Variants in CCDC181 observed in about 807,000 individuals in gnomAD.
CCDC181 encodes coiled-coil domain-containing protein 181.
CCDC181 carries 35 observed loss-of-function variants against 58.7 expected under a neutral mutation model. The observed-to-expected ratio is 0.60, with a 90% confidence interval of 0.46 to 0.79. The LOEUF is 0.79. CCDC181 is among the 30% of genes least tolerant of loss of function. The pLI is 0.00. For missense variants in CCDC181, 517 were observed against 583.9 expected (o/e 0.89, Z 1.18); for synonymous variants, 183 against 197.5 (o/e 0.93, Z 0.62).
At chr1:169,403,234 T>C (rs1320486195) in intron 4 of CCDC181, among the ~76,000 whole-genome samples, 1 of 152,128 alleles carries the variant, frequency 6.6e-6, no homozygotes, top group African/African-American at 2.4e-5. Flanking sequence ...CACCCCACTG[T>C]TAACATTAGA....
upstream of CCDC181, among the ~76,000 whole-genome samples, chr1:169,430,754 A>G (rs977236141): frequency 2.0e-5 from 3 of 152,148 alleles, no homozygotes; most frequent in African/African-American, 4.8e-5. Flanking sequence ...ACACTCCACA[A>G]TGTGGCAACA....
At chr1:169,455,095 A>G (rs1048896754) in intron 2 of CCDC181, among the ~76,000 whole-genome samples, 6 of 151,856 alleles carry the variant, frequency 4.0e-5, no homozygotes, top group Non-Finnish European at 5.9e-5. Flanking sequence ...TTTCCTGTCT[A>G]TTGACTAAAT....
intron 2 of CCDC181, among the ~76,000 whole-genome samples, chr1:169,437,358 T>C (rs1368130109): frequency 6.6e-6 from 1 of 152,214 alleles, no homozygotes. Context: ...CTGTGGCTAA[T>C]GTTAGTCCTA....
chr1:169,400,035 C>G (rs746997808), intron 4 of CCDC181, among the ~76,000 whole-genome samples: 3 of 152,126 alleles, frequency 2.0e-5, no homozygotes, highest in Non-Finnish European at 4.4e-5. Context: ...TTGGCAAGGC[C>G]TGGGCTGCAC....
At chr1:169,452,451 T>C (rs1021701547) in intron 2 of CCDC181, 1 of 151,976 alleles carries the variant, frequency 6.6e-6, no homozygotes, top group East Asian at 1.9e-4. Context: ...GGAGTTTTAC[T>C]CTAAAGGGGA....
At chr1:169,424,154 T>A (rs1210044312) in intron 2 of CCDC181, among the ~76,000 whole-genome samples, 1 of 151,882 alleles carries the variant, frequency 6.6e-6, no homozygotes, top group Non-Finnish European at 1.5e-5. Context: ...TTTACAGAAA[T>A]ACATATACAC....
intron 2 of CCDC181, among the ~76,000 whole-genome samples, chr1:169,441,585 T>C (rs1242059390): frequency 1.3e-5 from 2 of 152,092 alleles, no homozygotes; most frequent in African/African-American, 4.8e-5. Flanking sequence ...ACCCTCTGGC[T>C]ATCGATAACT....
intron 2 of CCDC181, among the ~76,000 whole-genome samples, chr1:169,438,194 C>T (rs1235844404): frequency 9.3e-6 from 1 of 107,890 alleles, no homozygotes; most frequent in Non-Finnish European, 2.2e-5. Flanking sequence ...ACTAGCCTCA[C>T]AAATCCTTTT....
intron 1 of CCDC181, among the ~76,000 whole-genome samples, chr1:169,425,492 AAAGT>A (rs1656676075): frequency 6.6e-6 from 1 of 152,120 alleles, no homozygotes; most frequent in Non-Finnish European, 1.5e-5. Flanking sequence ...AAAGGACTCA[AAAGT>A]AAGCCCTTCA....
chr1:169,434,869 T>A (rs1408335422), intron 2 of CCDC181, among the ~76,000 whole-genome samples: 1 of 152,008 alleles, frequency 6.6e-6, no homozygotes, highest in South Asian at 2.1e-4. Context: ...TCATTCCACT[T>A]ATATAAAGTG....
chr1:169,415,445 C>T (rs1656171850), intron 4 of CCDC181, among the ~76,000 whole-genome samples: 1 of 152,182 alleles, frequency 6.6e-6, no homozygotes, highest in African/African-American at 2.4e-5. Context: ...AACATCCATC[C>T]TCCCAAGTCA....
intron 1 of CCDC181, among the ~76,000 whole-genome samples, chr1:169,427,075 C>G (rs1656741510): frequency 6.6e-6 from 1 of 152,084 alleles, no homozygotes. Flanking sequence ...GAGTATCCTT[C>G]ATACATAGTG....
chr1:169,437,710 G>C (rs1055773810), intron 2 of CCDC181, among the ~76,000 whole-genome samples: 3 of 152,160 alleles, frequency 2.0e-5, no homozygotes, highest in African/African-American at 7.2e-5. Context: ...GCAACTGTCT[G>C]AGCATACTCA....
chr1:169,434,291 G>T (rs905270053), intron 2 of CCDC181, among the ~76,000 whole-genome samples: 2 of 151,870 alleles, frequency 1.3e-5, no homozygotes, highest in Non-Finnish European at 2.9e-5. Flanking sequence ...ATAAATATTG[G>T]CAAGGATGTG....
chr1:169,428,284 T>C (rs1445577161), upstream of CCDC181, among the ~76,000 whole-genome samples: 2 of 152,204 alleles, frequency 1.3e-5, no homozygotes, highest in Non-Finnish European at 2.9e-5. Flanking sequence ...GACCTAATGT[T>C]GCTACTGCTT....
chr1:169,415,022 TGTC>T (rs1411197180), intron 4 of CCDC181, among the ~76,000 whole-genome samples: 1 of 152,228 alleles, frequency 6.6e-6, no homozygotes, highest in Non-Finnish European at 1.5e-5. Context: ...ATAACCATGA[TGTC>T]TTCTACATAA....
intron 1 of CCDC181, chr1:169,459,905 G>GAAAAAAAAAAAAAAAAAAAAAA (rs754232999): frequency 1.3e-5 from 1 of 75,184 alleles, no homozygotes; most frequent in Non-Finnish European, 2.6e-5. Context: ...TTGAAATTAG[G>GAAAAAAAAAAAAAAAAAAAAAA]AAAAAAAAAA....
intron 2 of CCDC181, among the ~76,000 whole-genome samples, chr1:169,433,293 A>G (rs556351645): frequency 3.2e-4 from 49 of 152,194 alleles, no homozygotes; most frequent in African/African-American, 1.1e-3. Flanking sequence ...CATACAATGT[A>G]AACCATAAAA....
rs778487132 is a variant in CCDC181, at chr1:169,395,204, C to T, written c.1373G>A (p.Trp458Ter). ...TEGRERAFKQ[W>*]LRRKRMEKMA... Reference sequence around the variant, plus strand: ...TTTTTCCATCCGTTTCCTTCTTAACCATCTGTAGAAACAGGCATGATCAGA... The same window carrying T: ...TTTTTCCATCCGTTTCCTTCTTAACTATCTGTAGAAACAGGCATGATCAGA... Residue 458 changes from tryptophan (W) to a stop codon, truncating the protein, a stop_gained and splice_region_variant, in exon 6 of 6, where the codon TGG (tryptophan) becomes TAG (stop). Transcript: ENST00000367806. LOFTEE classifies it high-confidence loss of function. The T allele has an allele frequency of 1.9e-6, 3 of 1,609,742 alleles. No individual in the cohort carries two copies. Among genetic ancestry groups the T allele is most frequent in the South Asian group, 2.2e-5 (2 of 90,156 alleles).
Sources: gnomAD v4.1 joint callset for allele counts (sites outside exome capture counted in the v4.1 genomes callset) on GRCh38, gnomAD v4.1.1 for gene constraint, MANE v1.5 for transcripts, NCBI Gene and HGNC (gene_info 2026-07-23, HGNC 2026-07-21) for gene names.